CNTN3: variants seen among roughly 807,000 people sequenced by gnomAD.
The protein encoded by CNTN3 is contactin 3, also known as contactin-3.
Under a neutral mutation model 119.1 loss-of-function variants are expected in CNTN3, and 60 were observed. The ratio of observed to expected loss-of-function variants is 0.50; its 90% CI spans 0.41 to 0.62. The LOEUF is 0.62. Ranked by LOEUF, CNTN3 falls within the 20% of genes least tolerant of loss-of-function variation. CNTN3 has a pLI of 0.00. For synonymous variants in CNTN3, 450 were observed against 438.7 expected (o/e 1.03, Z -0.32); for missense variants, 1,101 against 1,242.4 (o/e 0.89, Z 1.71).
Position 74,521,086 on chromosome 3 carries a change from G to T in CNTN3, c.27C>A (p.Ile9=). MMFPWKQL[I]LLSFIGCLGG... ...CTAAGCAGCCAATGAATGAAAGCAG[G>T]ATCAACTGTTTCCATGGAAACATCA... Residue 9 remains isoleucine (I), a synonymous_variant, in exon 2 of 23, where the codon ATC becomes ATA. Transcript: ENST00000263665. 6.2e-7 allele frequency: 1 copy of T among 1,600,094 alleles called. No individual in the cohort carries two copies.
chr3:74,432,427 TA>T (rs1305360079), intron 4 of CNTN3, among the ~76,000 whole-genome samples: 2 of 152,012 alleles, frequency 1.3e-5, no homozygotes, highest in African/African-American at 4.8e-5. Flanking sequence ...CATAATGTTT[TA>T]CAAAAGTTTA....
intron 11 of CNTN3, among the ~76,000 whole-genome samples, chr3:74,353,325 A>G (rs911772247): frequency 1.3e-5 from 2 of 152,196 alleles, no homozygotes; most frequent in Non-Finnish European, 2.9e-5. Flanking sequence ...TTCTGCTTGT[A>G]AGTACCATCA....
intron 5 of CNTN3, among the ~76,000 whole-genome samples, chr3:74,413,094 G>A (rs1455977623): frequency 6.6e-6 from 1 of 152,142 alleles, no homozygotes; most frequent in African/African-American, 2.4e-5. Context: ...TTTGGAAAAT[G>A]GAATGAGCAA....
chr3:74,507,626 C>CTTTTTTTTTTTT (rs59540461), intron 2 of CNTN3, among the ~76,000 whole-genome samples: 4 of 103,646 alleles, frequency 3.9e-5, no homozygotes, highest in Non-Finnish European at 5.5e-5. Context: ...TTCTTTCTTT[C>CTTTTTTTTTTTT]TTTTTTTTTT....
intron 4 of CNTN3, among the ~76,000 whole-genome samples, chr3:74,429,602 A>G (rs1174123314): frequency 1.3e-5 from 2 of 152,120 alleles, no homozygotes; most frequent in African/African-American, 4.8e-5. Context: ...ACTTGACACC[A>G]ATTGAATGGT....
intron 3 of CNTN3, among the ~76,000 whole-genome samples, chr3:74,495,095 C>G (rs972625339): frequency 6.6e-6 from 1 of 151,970 alleles, no homozygotes; most frequent in African/African-American, 2.4e-5. Flanking sequence ...TGATTACTCT[C>G]AAATGTGGCT....
At chr3:74,526,988 A>G (rs79789393) in intron 1 of CNTN3, among the ~76,000 whole-genome samples, 5,627 of 151,946 alleles carry the variant, frequency 0.037, 138 homozygotes, top group South Asian at 0.069. Context: ...ATGCACATAG[A>G]CAGACATAAG....
chr3:74,569,353 C>A (rs1008085685), intron 1 of CNTN3, among the ~76,000 whole-genome samples: 2 of 151,782 alleles, frequency 1.3e-5, no homozygotes, highest in South Asian at 2.1e-4. Context: ...CAGAATGGAA[C>A]AAACTATGGG....
chr3:74,324,061 C>T (rs1703068780), intron 13 of CNTN3, among the ~76,000 whole-genome samples: 1 of 152,032 alleles, frequency 6.6e-6, no homozygotes, highest in African/African-American at 2.4e-5. Flanking sequence ...CTGGTATATA[C>T]ACAAATATAC....
intron 4 of CNTN3, among the ~76,000 whole-genome samples, chr3:74,458,807 A>T (rs1449734178): frequency 6.6e-6 from 1 of 152,014 alleles, no homozygotes; most frequent in Admixed American, 6.6e-5. Flanking sequence ...CTATACACTA[A>T]ATGGTGTGAA....
In CNTN3 at chr3:74,370,007, ATAAAGT is replaced by A; in HGVS notation, c.659-22_659-17del. ...CCCATCACACCTATAAATCCACAAT[ATAAAGT>A]TAATCGTTTCAATATTTCCTTTAGA... On this transcript the variant is annotated splice_polypyrimidine_tract_variant and intron_variant, in intron 6 of 22. Transcript: ENST00000263665. 1 of 1,341,192 alleles carries A rather than the reference ATAAAGT, an allele frequency of 7.5e-7. No homozygotes were observed. Among genetic ancestry groups the A allele is most frequent in the Non-Finnish European group, 1.1e-6 (1 of 951,638 alleles). The allele number at this position is 1,341,192 out of a possible 1,614,324, so 83.1% of individuals were successfully genotyped here. A position where few individuals can be genotyped will look rare whatever the true frequency, so the allele number is the denominator to read the frequency against.
intron 5 of CNTN3, among the ~76,000 whole-genome samples, chr3:74,397,826 G>A (rs1423139939): frequency 6.6e-6 from 1 of 152,146 alleles, no homozygotes; most frequent in Non-Finnish European, 1.5e-5. Flanking sequence ...ATTAACAGGA[G>A]TCTGGAAAAA....
intron 14 of CNTN3, 121 bp from the exon 15 acceptor site, chr3:74,301,926 G>T: frequency 9.3e-7 from 1 of 1,075,872 alleles, no homozygotes; most frequent in Non-Finnish European, 1.3e-6. Flanking sequence ...AATTTCAGAA[G>T]CACTTAGGGA....
At chr3:74,410,475 G>C (rs1219101116) in intron 5 of CNTN3, among the ~76,000 whole-genome samples, 1 of 152,118 alleles carries the variant, frequency 6.6e-6, no homozygotes, top group Non-Finnish European at 1.5e-5. Flanking sequence ...CTCTCTCTGA[G>C]TTGTCAAAAA....
At chr3:74,517,609 C>T (rs989843315) in intron 2 of CNTN3, among the ~76,000 whole-genome samples, 6 of 151,924 alleles carry the variant, frequency 3.9e-5, no homozygotes, top group African/African-American at 1.4e-4. Flanking sequence ...TTCCTACTCA[C>T]AAGCCTCAGT....
At chr3:74,500,508 C>CAAAA (rs57458348) in intron 2 of CNTN3, among the ~76,000 whole-genome samples, 2 of 140,910 alleles carry the variant, frequency 1.4e-5, no homozygotes, top group South Asian at 2.2e-4. Context: ...CAAATTCGCC[C>CAAAA]AAAAAAAAAA....
At chr3:74,331,847 G>A (rs764348623) in intron 13 of CNTN3, among the ~76,000 whole-genome samples, 2 of 152,076 alleles carry the variant, frequency 1.3e-5, no homozygotes, top group Non-Finnish European at 2.9e-5. Flanking sequence ...TCTGTGACTG[G>A]TGTCATCATG....
chr3:74,301,604 C>G (rs879076371), intron 15 of CNTN3, 43 bp downstream of exon 15: 1 of 1,612,030 alleles, frequency 6.2e-7, no homozygotes, highest in Admixed American at 1.7e-5. Context: ...GACTTGAAAT[C>G]CATTTATATG....
intron 5 of CNTN3, among the ~76,000 whole-genome samples, chr3:74,394,792 C>T (rs1283388936): frequency 7.1e-6 from 1 of 139,980 alleles, no homozygotes; most frequent in African/African-American, 2.8e-5. Flanking sequence ...TCTTTCAACT[C>T]ATTATTAATG....
Sources: gnomAD v4.1 joint callset for allele counts (sites outside exome capture counted in the v4.1 genomes callset) on GRCh38, gnomAD v4.1.1 for gene constraint, MANE v1.5 for transcripts, NCBI Gene and HGNC (gene_info 2026-07-23, HGNC 2026-07-21) for gene names.